Variants in GKAP1 observed in about 807,000 individuals in gnomAD.
The protein encoded by GKAP1 is G kinase-anchoring protein 1.
A neutral mutation model predicts 56.7 loss-of-function variants in GKAP1; 31 were observed. The ratio of observed to expected loss-of-function variants is 0.55; its 90% CI spans 0.41 to 0.74. The LOEUF (loss-of-function observed/expected upper bound fraction) is 0.74. Ranked by LOEUF, GKAP1 falls within the 30% of genes least tolerant of loss-of-function variation. The pLI, the probability that GKAP1 is intolerant of heterozygous loss-of-function variation, is 0.00. For missense variants in GKAP1, 364 were observed against 402.3 expected (o/e 0.90, Z 0.82); for synonymous variants, 151 against 138.6 (o/e 1.09, Z -0.63).
chr9:83,749,150 T>C (rs1344288680), intron 9 of GKAP1: 1 of 152,138 alleles, frequency 6.6e-6, no homozygotes, highest in Non-Finnish European at 1.5e-5. Context: ...TTAACATCCA[T>C]ATTTTAGGCA....
intron 4 of GKAP1, among the ~76,000 whole-genome samples, chr9:83,790,943 T>A (rs952105803): frequency 6.6e-6 from 1 of 152,252 alleles, no homozygotes; most frequent in Non-Finnish European, 1.5e-5. Flanking sequence ...TTGAGATTAT[T>A]TCTAATATGT....
intron 3 of GKAP1, among the ~76,000 whole-genome samples, chr9:83,800,142 T>C (rs1363940698): frequency 6.6e-6 from 1 of 151,990 alleles, no homozygotes; most frequent in Non-Finnish European, 1.5e-5. Context: ...GCCAAGCCAC[T>C]CCCAACAATA....
chr9:83,774,908 C>T (rs1943830393), intron 7 of GKAP1, among the ~76,000 whole-genome samples: 1 of 151,404 alleles, frequency 6.6e-6, no homozygotes, highest in African/African-American at 2.4e-5. Context: ...GGGATTTCAT[C>T]ATGTTGGCCA....
intron 3 of GKAP1, among the ~76,000 whole-genome samples, chr9:83,805,870 C>A (rs1944432057): frequency 6.6e-6 from 1 of 152,104 alleles, no homozygotes; most frequent in Non-Finnish European, 1.5e-5. Context: ...TAATCCCAAC[C>A]CTTTGGGAGG....
chr9:83,784,959 AT>A, intron 5 of GKAP1, 121 bp from the exon 6 acceptor site: 1 of 670,140 alleles, frequency 1.5e-6, no homozygotes, highest in Non-Finnish European at 2.3e-6. Flanking sequence ...AAAAACCAAA[AT>A]TTAGGCTAGC....
chr9:83,798,161 T>G (rs1458003647), intron 4 of GKAP1, among the ~76,000 whole-genome samples: 2 of 152,214 alleles, frequency 1.3e-5, no homozygotes, highest in African/African-American at 4.8e-5. Context: ...TAGTCTATTT[T>G]AAAACTGGTA....
chr9:83,813,022 A>G (rs1944534012), intron 2 of GKAP1, among the ~76,000 whole-genome samples: 2 of 152,180 alleles, frequency 1.3e-5, no homozygotes, highest in South Asian at 4.1e-4. Flanking sequence ...GGAGACTAGG[A>G]AAACATTAGG....
At chr9:83,782,355 ATT>A (rs914777066) in intron 6 of GKAP1, among the ~76,000 whole-genome samples, 21 of 135,738 alleles carry the variant, frequency 1.5e-4, no homozygotes, top group Admixed American at 2.2e-4. Flanking sequence ...CTAATCTTGG[ATT>A]TTTTTTTTTT....
intron 12 of GKAP1, among the ~76,000 whole-genome samples, chr9:83,740,086 G>C (rs1943181517): frequency 6.6e-6 from 1 of 152,076 alleles, no homozygotes; most frequent in Non-Finnish European, 1.5e-5. Flanking sequence ...ACTTAAATTT[G>C]TTCCATATGA....
intron 2 of GKAP1, among the ~76,000 whole-genome samples, chr9:83,812,249 A>G (rs1215527830): frequency 4.0e-5 from 6 of 148,924 alleles, no homozygotes; most frequent in Non-Finnish European, 7.4e-5. Flanking sequence ...ATATACGTAT[A>G]TATGTATACG....
intron 6 of GKAP1, among the ~76,000 whole-genome samples, chr9:83,782,917 G>C (rs1017879757): frequency 1.3e-5 from 2 of 151,908 alleles, no homozygotes; most frequent in Non-Finnish European, 2.9e-5. Context: ...GGATCTACCT[G>C]CGTTGTCCCC....
At chr9:83,791,133 T>A (rs1309715997) in intron 4 of GKAP1, among the ~76,000 whole-genome samples, 3 of 152,190 alleles carry the variant, frequency 2.0e-5, no homozygotes, top group Non-Finnish European at 4.4e-5. Context: ...CCAGGCGTGG[T>A]GGCTCATGCC....
chr9:83,742,874 T>C lies in GKAP1; in HGVS notation c.905-274A>G, dbSNP rs575368897. 2.0e-5 allele frequency among the ~76,000 whole-genome samples: 3 copies of C among 152,338 alleles called. No individual in the cohort carries two copies. In the South Asian group the frequency reaches 6.2e-4, roughly 32 times the overall value. On this transcript the variant is annotated intron_variant, in intron 10 of 12. Coordinates refer to ENST00000376371, the MANE Select transcript of GKAP1 (RefSeq NM_025211.4). ...ATTTTCTGTGGTGTTAAAATATTTA[T>C]TGCTGGGCATGGTGGCTCACACCTA... is the stretch of plus-strand genomic sequence containing the variant.
chr9:83,742,457 TTTG>T, intron 11 of GKAP1, 70 bp downstream of exon 11: 1 of 925,932 alleles, frequency 1.1e-6, no homozygotes, highest in Non-Finnish European at 1.7e-6. Context: ...ATGAGCTGTA[TTTG>T]TTAAGTTTAA....
intron 2 of GKAP1, among the ~76,000 whole-genome samples, chr9:83,810,712 CTT>C (rs1452293666): frequency 5.3e-5 from 8 of 152,184 alleles, no homozygotes; most frequent in African/African-American, 1.4e-4. Context: ...CTTGATCTCT[CTT>C]GAGTTGTTGT....
At chr9:83,795,071 G>A (rs556239092) in intron 4 of GKAP1, among the ~76,000 whole-genome samples, 5 of 149,770 alleles carry the variant, frequency 3.3e-5, no homozygotes, top group African/African-American at 9.9e-5. Flanking sequence ...TAGGAGAATC[G>A]CTTGAATCCG....
intron 11 of GKAP1, 43 bp downstream of exon 11, chr9:83,742,487 A>T: frequency 7.7e-7 from 1 of 1,292,246 alleles, no homozygotes; most frequent in Non-Finnish European, 1.1e-6. Context: ...AAGACTAAAG[A>T]CAGCTTAAGA....
intron 11 of GKAP1, 124 bp from the exon 12 acceptor site, chr9:83,742,153 C>G (rs533620066): frequency 4.5e-6 from 3 of 670,010 alleles, no homozygotes; most frequent in East Asian, 2.8e-5. Flanking sequence ...AAGCTCCCCC[C>G]ATAATTTCCA....
intron 5 of GKAP1, among the ~76,000 whole-genome samples, chr9:83,788,205 G>A (rs1052339262): frequency 2.0e-5 from 3 of 152,238 alleles, no homozygotes; most frequent in Non-Finnish European, 4.4e-5. Flanking sequence ...TTGAACCTGG[G>A]AGGCGGAGGT....
Sources: allele counts gnomAD v4.1 joint callset (sites outside exome capture counted in the v4.1 genomes callset), GRCh38; gene constraint gnomAD v4.1.1; transcripts MANE v1.5; gene names NCBI Gene and HGNC (gene_info 2026-07-23, HGNC 2026-07-21).